Variants in PCNX2 observed in about 807,000 individuals in gnomAD.
The protein encoded by PCNX2 is pecanex 2.
Under a neutral mutation model 223.8 loss-of-function variants are expected in PCNX2, and 168 were observed. The observed-to-expected ratio is 0.75, with a 90% CI of 0.66 to 0.85. PCNX2 has a LOEUF of 0.85. Ranked by LOEUF, PCNX2 falls within the 40% of genes least tolerant of loss-of-function variation. The pLI is 0.00. For missense variants in PCNX2, 2,507 were observed against 2,675.5 expected (o/e 0.94, Z 1.39); for synonymous variants, 1,006 against 1,052.6 (o/e 0.96, Z 0.86).
At chr1:233,004,578 C>T (rs565465926) in intron 28 of PCNX2, among the ~76,000 whole-genome samples, 27 of 152,204 alleles carry the variant, frequency 1.8e-4, no homozygotes, top group African/African-American at 6.5e-4. Flanking sequence ...GAAACAGCGT[C>T]CCTGACAGGG....
chr1:233,025,666 C>A, intron 25 of PCNX2: 1 of 485,796 alleles, frequency 2.1e-6, no homozygotes, highest in Non-Finnish European at 3.7e-6. Context: ...AGCTAAATGT[C>A]AACACAGAAG....
intron 24 of PCNX2, 138 bp from the exon 25 acceptor site, chr1:233,054,621 C>G: frequency 1.4e-6 from 1 of 719,304 alleles, no homozygotes; most frequent in East Asian, 2.7e-5. Flanking sequence ...ATGTGTTCTT[C>G]CCACATTTTA....
intron 21 of PCNX2, among the ~76,000 whole-genome samples, chr1:233,115,594 T>C (rs934697828): frequency 1.3e-5 from 2 of 152,122 alleles, no homozygotes; most frequent in Non-Finnish European, 2.9e-5. Context: ...ATTAAGGGCA[T>C]AGCAAAAGGC....
At chr1:233,143,925 C>A (rs1008340547) in intron 19 of PCNX2, among the ~76,000 whole-genome samples, 1 of 151,696 alleles carries the variant, frequency 6.6e-6, no homozygotes, top group South Asian at 2.1e-4. Context: ...TTCTCTTTAC[C>A]GAATCATTCT....
Position 233,025,277 on chromosome 1 carries a change from G to A in PCNX2, c.4474C>T (p.Leu1492Phe), listed in dbSNP as rs778517329. ...HLLSCNAAFH[L>F]RWLTWEITQT... ...GTGATTTCCCAGGTGAGCCAGCGGA[G>A]GTGAAAGGCAGCGTTGCAGGACAGC... is the stretch of plus-strand genomic sequence containing the variant. The change falls in exon 26 of 34, where the codon CTC becomes TTC. Residue 1492 changes from leucine (L) to phenylalanine (F), a missense_variant. By Grantham distance (22) the Leu-to-Phe change is conservative (BLOSUM62 0). Coordinates refer to ENST00000258229, the MANE Select transcript of PCNX2 (RefSeq NM_014801.4). 5.6e-6 allele frequency: 9 copies of A among 1,613,924 alleles called. No individual in the cohort carries two copies. Among genetic ancestry groups the A allele is most frequent in the Non-Finnish European group, 7.6e-6 (9 of 1,179,914 alleles).
rs781290422 is a variant in PCNX2 at position 233,218,086 on chromosome 1, A to G, written c.2603T>C (p.Met868Thr). The change falls in exon 11 of 34, where the codon ATG (methionine) becomes ACG (threonine). Residue 868 changes from methionine (M) to threonine (T), a missense_variant. This residue lies in a region of PCNX2 where 104 missense variants were observed against 144.4 expected (regional missense o/e 0.72). Transcript: ENST00000258229. ...LTLSQGFCKD[M>T]WVLLFCLVMA... ...GACGAGGCAGAAGAGGAGCACCCAC[A>G]TATCTTTGCAAAAGCCTTGGCTCAA... The G allele has an allele frequency of 4.4e-6, 7 of 1,583,630 alleles. No individual in the cohort carries two copies. The East Asian group carries it at 1.1e-4, about 26-fold the overall frequency.
intron 9 of PCNX2, among the ~76,000 whole-genome samples, chr1:233,234,848 C>T (rs540123004): frequency 2.0e-5 from 3 of 152,308 alleles, no homozygotes; most frequent in African/African-American, 7.2e-5. Context: ...CCGTATTCCA[C>T]AGGGCCCCCA....
chr1:233,128,060 A>G (rs1018562212), intron 21 of PCNX2, among the ~76,000 whole-genome samples: 2 of 152,220 alleles, frequency 1.3e-5, no homozygotes, highest in African/African-American at 4.8e-5. Flanking sequence ...TTGAACACCC[A>G]GCGTGGTAGT....
intron 25 of PCNX2, among the ~76,000 whole-genome samples, chr1:233,052,068 A>T (rs1272015085): frequency 6.6e-6 from 1 of 152,162 alleles, no homozygotes; most frequent in Non-Finnish European, 1.5e-5. Flanking sequence ...TTTTATCACT[A>T]GTTCCCTGTT....
intron 5 of PCNX2, among the ~76,000 whole-genome samples, chr1:233,255,677 G>A (rs1291164284): frequency 2.6e-5 from 4 of 152,166 alleles, no homozygotes; most frequent in African/African-American, 4.8e-5. Context: ...ACCTGGGCTG[G>A]AAATAAGAGT....
chr1:233,095,209 T>C (rs542528769), intron 22 of PCNX2, among the ~76,000 whole-genome samples: 83 of 152,336 alleles, frequency 5.4e-4, no homozygotes, highest in Non-Finnish European at 9.6e-4. Flanking sequence ...TATGTAAACA[T>C]TGTAAAACAC....
At chr1:233,154,288 G>T (rs1677985221) in intron 19 of PCNX2, among the ~76,000 whole-genome samples, 1 of 152,142 alleles carries the variant, frequency 6.6e-6, no homozygotes, top group Non-Finnish European at 1.5e-5. Context: ...CACCGTGTTA[G>T]CCAGGATGGT....
intron 25 of PCNX2, among the ~76,000 whole-genome samples, chr1:233,051,639 A>G (rs1672011034): frequency 1.3e-5 from 2 of 152,172 alleles, no homozygotes; most frequent in Non-Finnish European, 2.9e-5. Flanking sequence ...AAAGGGAGCT[A>G]AACGTTTGGT....
At chr1:233,214,373 G>A (rs1681999427) in intron 12 of PCNX2, among the ~76,000 whole-genome samples, 1 of 152,162 alleles carries the variant, frequency 6.6e-6, no homozygotes, top group African/African-American at 2.4e-5. Flanking sequence ...ACATGGTAAG[G>A]CTGCATTCAG....
intron 19 of PCNX2, among the ~76,000 whole-genome samples, chr1:233,149,287 T>G (rs896141965): frequency 1.3e-5 from 2 of 152,256 alleles, no homozygotes; most frequent in Admixed American, 1.3e-4. Flanking sequence ...GTGTTTTGTT[T>G]AGACTCTTTA....
intron 21 of PCNX2, among the ~76,000 whole-genome samples, chr1:233,134,140 T>G (rs1676670072): frequency 6.6e-6 from 1 of 152,048 alleles, no homozygotes; most frequent in Non-Finnish European, 1.5e-5. Flanking sequence ...CTGAAGTCAG[T>G]CTCCAGAAGA....
chr1:233,100,428 A>G (rs1674422004), intron 21 of PCNX2, among the ~76,000 whole-genome samples: 1 of 151,736 alleles, frequency 6.6e-6, no homozygotes, highest in African/African-American at 2.4e-5. Context: ...AAAAAAAAAA[A>G]AAAAAAAAAA....
At chr1:233,068,354 T>C (rs550997279) in intron 23 of PCNX2, among the ~76,000 whole-genome samples, 24 of 151,754 alleles carry the variant, frequency 1.6e-4, no homozygotes, top group East Asian at 3.9e-4. Context: ...AGGTAAATAA[T>C]GTCCTCTAAG....
chr1:233,263,139 C>T lies in PCNX2; in HGVS notation c.178G>A (p.Val60Ile). The T allele has an allele frequency of 6.2e-7, 1 of 1,609,894 alleles. No homozygotes were observed. Among genetic ancestry groups the T allele is most frequent in the South Asian group, 1.1e-5 (1 of 90,608 alleles). The change falls in exon 2 of 34, where the codon GTA becomes ATA. Residue 60 changes from valine (V) to isoleucine (I), a missense_variant. Physicochemically the swap from Val to Ile is conservative, Grantham distance 29. Coordinates refer to ENST00000258229, the MANE Select transcript of PCNX2 (RefSeq NM_014801.4). Reference protein sequence around the residue: ...HLAFPPNAIIVFFYCSAVTIF... With the variant: ...HLAFPPNAIIIFFYCSAVTIF... The stretch of plus-strand genomic sequence containing the variant: ...GTCACTGCACTGCAGTAGAAAAATA[C>T]AATGATCGCATTTGGAGGAAAAGCC...
Sources: allele counts gnomAD v4.1 joint callset (sites outside exome capture counted in the v4.1 genomes callset), GRCh38; gene constraint gnomAD v4.1.1; regional missense constraint gnomAD v4.1.1; transcripts MANE v1.5; gene names NCBI Gene and HGNC (gene_info 2026-07-23, HGNC 2026-07-21).